The following C1orf185 variants were observed in gnomAD, a reference collection of about 807,000 sequenced individuals.
C1orf185 encodes the protein uncharacterized protein C1orf185.
A neutral mutation model predicts 16.1 loss-of-function variants in C1orf185; 13 were observed. That is an observed-to-expected ratio of 0.81 (90% CI 0.53 to 1.28). C1orf185 has a LOEUF of 1.28. Among genes scored for constraint, C1orf185 ranks in the 50% most tolerant of loss-of-function variants. The probability of loss-of-function intolerance (pLI) is 0.00; values close to 1 mark genes in which losing one functional copy is unlikely to be tolerated. For missense variants in C1orf185, 220 were observed against 225.2 expected (o/e 0.98, Z 0.15); for synonymous variants, 80 against 76.9 (o/e 1.04, Z -0.21).
At chr1:51,133,977 G>A (rs1296165389) in intron 3 of C1orf185, among the ~76,000 whole-genome samples, 1 of 152,098 alleles carries the variant, frequency 6.6e-6, no homozygotes, top group African/African-American at 2.4e-5. Context: ...AGCTACTCAG[G>A]AGGCTGAGGC....
intron 2 of C1orf185, among the ~76,000 whole-genome samples, chr1:51,116,270 C>T (rs2148014092): frequency 6.6e-6 from 1 of 151,702 alleles, no homozygotes; most frequent in Admixed American, 6.6e-5. Flanking sequence ...CTCCACACTT[C>T]TACCAGATGT....
intron 3 of C1orf185, among the ~76,000 whole-genome samples, chr1:51,138,198 C>T (rs113058500): frequency 0.013 from 1,986 of 151,942 alleles, 39 homozygotes; most frequent in African/African-American, 0.046. Flanking sequence ...TACTCCTGAA[C>T]CTACAAGTTA....
chr1:51,126,075 C>T (rs915306218), intron 3 of C1orf185, among the ~76,000 whole-genome samples: 2 of 152,092 alleles, frequency 1.3e-5, no homozygotes, highest in African/African-American at 4.8e-5. Context: ...AGGTTCTGCA[C>T]GTGGTTAATT....
downstream of C1orf185, among the ~76,000 whole-genome samples, chr1:51,152,274 A>G (rs1646433100): frequency 6.6e-6 from 1 of 152,184 alleles, no homozygotes; most frequent in Non-Finnish European, 1.5e-5. Flanking sequence ...TGGCCTCTCT[A>G]TAGTCTGTTT....
At position 51,109,919 on chromosome 1, in the gene C1orf185, G is replaced by A. The variant is rs376681149; in HGVS notation, c.17-2545G>A. 4.2e-4 allele frequency among the ~76,000 whole-genome samples: 64 copies of A among 152,020 alleles called. 1 individual carries two copies. The South Asian group carries it at 7.3e-3, about 17-fold the overall frequency. Reference sequence around the variant, plus strand: ...CATTTTAGAATTTTTTCCTATTTCTGTGAAGAATTTCATTGTTATTTTGAT... The same window carrying A: ...CATTTTAGAATTTTTTCCTATTTCTATGAAGAATTTCATTGTTATTTTGAT... On this transcript the variant is annotated intron_variant, in intron 1 of 4. Coordinates refer to ENST00000371759, the MANE Select transcript of C1orf185 (RefSeq NM_001136508.2).
At chr1:51,119,842 G>A (rs1372341983) in intron 3 of C1orf185, among the ~76,000 whole-genome samples, 1 of 152,112 alleles carries the variant, frequency 6.6e-6, no homozygotes, top group Non-Finnish European at 1.5e-5. Flanking sequence ...ATCAGCACTA[G>A]TTTTGCCACT....
At position 51,112,570 on chromosome 1, in the gene C1orf185, G is replaced by A. The variant is rs1361617345; in HGVS notation, c.122+1G>A. ...TGTGGTTCCTGATTTGCAAACGAAG[G>A]TAAGGATTATTCGAATATTTCTTTA... On this transcript the variant is annotated splice_donor_variant, in intron 2 of 4. Transcript: ENST00000371759. LOFTEE classifies it high-confidence loss of function. 65 of 1,536,438 alleles carry A rather than the reference G, an allele frequency of 4.2e-5. No homozygotes were observed. The highest frequency in any genetic ancestry group is 5.7e-5 in the Non-Finnish European group (65 of 1,140,996).
intron 3 of C1orf185, among the ~76,000 whole-genome samples, chr1:51,119,215 G>T (rs770525612): frequency 6.6e-6 from 1 of 152,098 alleles, no homozygotes; most frequent in Admixed American, 6.5e-5. Context: ...AGCTCCTCTG[G>T]GCCCCTTTAT....
At chr1:51,145,312 A>ATAATAG (rs1340434387) in intron 3 of C1orf185, among the ~76,000 whole-genome samples, 1 of 151,764 alleles carries the variant, frequency 6.6e-6, no homozygotes, top group African/African-American at 2.4e-5. Context: ...CTCTAAAATA[A>ATAATAG]TAATAATAAT....
At chr1:51,143,186 G>T (rs899942057) in intron 3 of C1orf185, among the ~76,000 whole-genome samples, 13 of 152,182 alleles carry the variant, frequency 8.5e-5, no homozygotes, top group Non-Finnish European at 1.5e-4. Flanking sequence ...AACGACCTGT[G>T]TGAAGACACT....
chr1:51,149,861 A>T (rs78486189), downstream of C1orf185, among the ~76,000 whole-genome samples: 25 of 152,336 alleles, frequency 1.6e-4, no homozygotes, highest in East Asian at 4.3e-3. Context: ...GCCTTCATGA[A>T]GTATGGCTAT....
At chr1:51,143,969 C>T (rs1044991630) in intron 3 of C1orf185, among the ~76,000 whole-genome samples, 1 of 152,170 alleles carries the variant, frequency 6.6e-6, no homozygotes, top group African/African-American at 2.4e-5. Context: ...GGTGAATATC[C>T]TGGTAGCTGA....
intron 1 of C1orf185, among the ~76,000 whole-genome samples, chr1:51,110,740 G>A (rs1285377988): frequency 6.6e-6 from 1 of 152,098 alleles, no homozygotes; most frequent in East Asian, 1.9e-4. Context: ...AGGCTGAGGT[G>A]GGTGAATCAC....
chr1:51,144,481 G>A (rs994891126), intron 3 of C1orf185, among the ~76,000 whole-genome samples: 7 of 152,176 alleles, frequency 4.6e-5, no homozygotes, highest in Admixed American at 3.9e-4. Context: ...GGAGGCTACG[G>A]TGGGAGGATC....
intron 1 of C1orf185, among the ~76,000 whole-genome samples, chr1:51,108,762 A>G (rs1646091967): frequency 6.6e-6 from 1 of 152,130 alleles, no homozygotes; most frequent in Non-Finnish European, 1.5e-5. Context: ...TGTTATTAGG[A>G]CTGAATAATA....
intron 3 of C1orf185, among the ~76,000 whole-genome samples, chr1:51,121,252 C>T (rs1211295723): frequency 1.4e-4 from 22 of 152,072 alleles, no homozygotes; most frequent in Admixed American, 1.4e-3. Context: ...CCAACATCTC[C>T]TCTGTCACCC....
At chr1:51,116,941 C>CT (rs1218410343) in intron 2 of C1orf185, among the ~76,000 whole-genome samples, 2 of 152,218 alleles carry the variant, frequency 1.3e-5, no homozygotes, top group Non-Finnish European at 1.5e-5. Context: ...CCTGACCTCT[C>CT]TAACCAGGTT....
chr1:51,146,378 G>C (rs1646400929), intron 4 of C1orf185, among the ~76,000 whole-genome samples: 1 of 150,006 alleles, frequency 6.7e-6, no homozygotes, highest in Non-Finnish European at 1.5e-5. Context: ...AGAATCTCTT[G>C]AACCCAGGAG....
intron 3 of C1orf185, among the ~76,000 whole-genome samples, chr1:51,120,137 TG>T (rs1043535007): frequency 6.6e-6 from 1 of 152,126 alleles, no homozygotes; most frequent in Non-Finnish European, 1.5e-5. Flanking sequence ...TCAGTAAAAA[TG>T]TTATAATGTT....
Sources: allele counts gnomAD v4.1 joint callset (sites outside exome capture counted in the v4.1 genomes callset), GRCh38; gene constraint gnomAD v4.1.1; transcripts MANE v1.5; gene names NCBI Gene and HGNC (gene_info 2026-07-23, HGNC 2026-07-21).